PCDHGB4: variants seen among roughly 807,000 people sequenced by gnomAD.
PCDHGB4 encodes protocadherin gamma subfamily B, 4, also known as protocadherin gamma-B4.
In PCDHGB4, 38 loss-of-function variants were observed where a neutral mutation model predicts 60.5. The ratio of observed to expected loss-of-function variants is 0.63; its 90% confidence interval spans 0.48 to 0.82. The LOEUF is 0.82. Among genes scored for constraint, PCDHGB4 ranks in the 40% least tolerant of loss-of-function variants. The pLI is 0.00. For synonymous variants in PCDHGB4, 456 were observed against 509.7 expected, an observed-to-expected ratio of 0.89 and a Z score of 1.42; for missense variants, 1,109 against 1,209.6, an observed-to-expected ratio of 0.92 and a Z score of 1.23.
At chr5:141,503,555 C>T (rs1010409481) in intron 2 of PCDHGB4, among the ~76,000 whole-genome samples, 2 of 148,816 alleles carry the variant, frequency 1.3e-5, no homozygotes, top group African/African-American at 5.0e-5. Context: ...GCCGAGATCG[C>T]GCCACTGTAC....
intron 1 of PCDHGB4, chr5:141,392,630 C>T (rs1431794812): frequency 1.7e-6 from 1 of 602,802 alleles, no homozygotes; most frequent in African/African-American, 1.9e-5. Context: ...ACACTCAGAT[C>T]TCACACCTCA....
At chr5:141,455,860 ATTATTTATTTATTTATTTAT>A (rs145569377) in intron 1 of PCDHGB4, among the ~76,000 whole-genome samples, 117 of 139,848 alleles carry the variant, frequency 8.4e-4, no homozygotes, top group Non-Finnish European at 9.4e-4. Flanking sequence ...AATTTCTTTT[ATTATTTATTTATTTATTTAT>A]TTATTTATTT....
In PCDHGB4 at chr5:141,415,739, GGTTTTT is replaced by G; in HGVS notation, c.2397+25459_2397+25464del. On this transcript the variant is annotated intron_variant, in intron 1 of 3. Coordinates refer to ENST00000519479, the MANE Select transcript of PCDHGB4 (RefSeq NM_003736.4). ...ATGAGTAGAATTTGATGTTTATTAA[GGTTTTT>G]TTTTTTTTTTTTTTTTTTTTTTTTT... is the stretch of plus-strand genomic sequence containing the variant. 1.4e-4 allele frequency: 59 copies of G among 434,890 alleles called. 1 individual carries two copies. The African/African-American group carries it at 1.6e-3, about 12-fold the overall frequency. The allele number at this position is 434,890 out of a possible 1,614,324, so 26.9% of individuals were successfully genotyped here.
intron 2 of PCDHGB4, among the ~76,000 whole-genome samples, chr5:141,500,815 A>G (rs2099802742): frequency 6.6e-6 from 1 of 152,196 alleles, no homozygotes; most frequent in African/African-American, 2.4e-5. Context: ...ATGAATATAC[A>G]TATTATTTTT....
intron 1 of PCDHGB4, chr5:141,411,997 T>A (rs1321898808): frequency 6.6e-6 from 1 of 152,030 alleles, no homozygotes; most frequent in Non-Finnish European, 1.5e-5. Context: ...GAAGGCATAG[T>A]GACATAAACA....
chr5:141,450,903 C>T (rs1468232105), intron 1 of PCDHGB4, among the ~76,000 whole-genome samples: 3 of 151,086 alleles, frequency 2.0e-5, no homozygotes, highest in African/African-American at 7.3e-5. Context: ...CGGCTCACTG[C>T]AACCGCTGCC....
At chr5:141,404,949 A>G in intron 1 of PCDHGB4, 1 of 1,613,834 alleles carries the variant, frequency 6.2e-7, no homozygotes, top group Non-Finnish European at 8.5e-7. Flanking sequence ...GCCATAGCTG[A>G]CAGCATCCCA....
chr5:141,476,438 C>G lies in PCDHGB4; in HGVS notation c.2398-18369C>G. On this transcript the variant is annotated intron_variant, in intron 1 of 3. Coordinates refer to ENST00000519479, the MANE Select transcript of PCDHGB4 (RefSeq NM_003736.4). This position sits in a 1 kb window ranked among gnomAD's most constrained non-coding sequence, Gnocchi z 7.6. The stretch of plus-strand genomic sequence containing the variant: ...GACACTGCCCTCTTGCACTGTAACT[C>G]TGGAGTTGGTAGTGGAGAACCCGCT... 1 of 1,614,090 alleles carries G rather than the reference C, an allele frequency of 6.2e-7. No homozygotes were observed. Among genetic ancestry groups the G allele is most frequent in the Non-Finnish European group, 8.5e-7 (1 of 1,180,026 alleles).
chr5:141,439,065 C>T (rs571768018), intron 1 of PCDHGB4, among the ~76,000 whole-genome samples: 13 of 151,628 alleles, frequency 8.6e-5, no homozygotes, highest in East Asian at 7.9e-4. Flanking sequence ...GTGTGGCAGG[C>T]GCCTGTAATC....
At chr5:141,403,773 A>G (rs1286965459) in intron 1 of PCDHGB4, 5 of 1,613,956 alleles carry the variant, frequency 3.1e-6, no homozygotes, top group Non-Finnish European at 4.2e-6. Flanking sequence ...GAGGGAATCA[A>G]CGGAAAAGTG....
chr5:141,430,594 C>T, intron 1 of PCDHGB4: 3 of 563,604 alleles, frequency 5.3e-6, no homozygotes, highest in Non-Finnish European at 5.7e-6. Flanking sequence ...GCCTTGCACG[C>T]GCCTGAAGCA....
chr5:141,403,532 C>A (rs1313886103), intron 1 of PCDHGB4: 1 of 1,613,892 alleles, frequency 6.2e-7, no homozygotes, highest in Non-Finnish European at 8.5e-7. Context: ...AAACCCAGAG[C>A]TGGTGCTGGA....
In PCDHGB4 at chr5:141,389,263, C is replaced by G. The variant is rs1285877712; in HGVS notation, c.1379C>G (p.Ala460Gly). The change falls in exon 1 of 4, where the codon GCC becomes GGC. Residue 460 changes from alanine to glycine, a missense_variant. This residue lies in a region of PCDHGB4 where 1,068 missense variants were observed against 1,089.9 expected (regional missense o/e 0.98). Transcript: ENST00000519479. ...CAGTCTTCCTATATAGTCCACGTGG[C>G]CGAGAACAACCCGCCTGGAGCCTCT... The part of the protein sequence containing the change: ...FSQSSYIVHV[A>G]ENNPPGASIS... The G allele has an allele frequency of 6.2e-7, 1 of 1,614,028 alleles. No individual in the cohort carries two copies. Among genetic ancestry groups the G allele is most frequent in the Admixed American group, 1.7e-5 (1 of 60,036 alleles).
At chr5:141,422,446 A>G in intron 1 of PCDHGB4, 1 of 1,610,700 alleles carries the variant, frequency 6.2e-7, no homozygotes, top group South Asian at 1.1e-5. Context: ...CAAATTGATA[A>G]CAAGCAGAGT....
At chr5:141,408,052 C>T in intron 1 of PCDHGB4, 1 of 1,283,102 alleles carries the variant, frequency 7.8e-7, no homozygotes, top group Non-Finnish European at 1.0e-6. Context: ...CACACAGAGC[C>T]TCCCGGCTGC....
intron 1 of PCDHGB4, chr5:141,418,952 G>T: frequency 1.9e-6 from 3 of 1,614,050 alleles, no homozygotes; most frequent in Non-Finnish European, 2.5e-6. Context: ...TCCAGGAGTG[G>T]TTGTTGCCCT....
chr5:141,460,075 C>T (rs2098981644), intron 1 of PCDHGB4, among the ~76,000 whole-genome samples: 2 of 151,896 alleles, frequency 1.3e-5, no homozygotes, highest in East Asian at 1.9e-4. Context: ...GAGACTTCAT[C>T]TAAAAAATAA....
At position 141,430,558 on chromosome 5, in the gene PCDHGB4, G is replaced by A. The variant is rs1472516429; in HGVS notation, c.2397+40277G>A. 2.2e-5 allele frequency: 9 copies of A among 417,488 alleles called. No homozygotes were observed. In the East Asian group the frequency reaches 3.3e-4, roughly 15 times the overall value. The allele number at this position is 417,488 out of a possible 1,614,324, so 25.9% of individuals were successfully genotyped here. On this transcript the variant is annotated intron_variant, in intron 1 of 3. Transcript: ENST00000519479. ...TCTGAGCGCCGCTGTTCACCAATCGGGGAGAGAAAAGCGGAGATCCTGCTC... is the reference window on the plus strand; with the variant it reads ...TCTGAGCGCCGCTGTTCACCAATCGAGGAGAGAAAAGCGGAGATCCTGCTC...
chr5:141,490,640 G>C lies in PCDHGB4; in HGVS notation c.2398-4167G>C, dbSNP rs774630488. 1 of 1,614,122 alleles carries C rather than the reference G, an allele frequency of 6.2e-7. No individual in the cohort carries two copies. The highest frequency in any genetic ancestry group is 8.5e-7 in the Non-Finnish European group (1 of 1,180,012). On this transcript the variant is annotated intron_variant, in intron 1 of 3. Coordinates refer to ENST00000519479, the MANE Select transcript of PCDHGB4 (RefSeq NM_003736.4). This position sits in a 1 kb window ranked among gnomAD's most constrained non-coding sequence, Gnocchi z 5.4. The stretch of plus-strand genomic sequence containing the variant: ...TACACTGCTTACATCCTAGAAAACC[G>C]GCCTCCGGGCTCCCTTCTTTGCACT...
Sources: allele counts gnomAD v4.1 joint callset (sites outside exome capture counted in the v4.1 genomes callset), GRCh38; gene constraint gnomAD v4.1.1; regional missense constraint gnomAD v4.1.1; non-coding constraint Gnocchi (gnomAD v3.1); transcripts MANE v1.5; gene names NCBI Gene and HGNC (gene_info 2026-07-23, HGNC 2026-07-21).